The following LRRC4C variants were observed in gnomAD, a reference collection of about 807,000 sequenced individuals.
LRRC4C encodes leucine-rich repeat-containing protein 4C.
In LRRC4C, 5 loss-of-function variants were observed where a neutral mutation model predicts 33.6. The observed-to-expected ratio is 0.15, with a 90% CI of 0.08 to 0.31. The LOEUF is 0.31. LRRC4C is among the 10% of genes least tolerant of loss of function. LRRC4C has a pLI of 1.00. For missense variants in LRRC4C, 560 were observed against 796.7 expected (o/e 0.70, Z 3.58); for synonymous variants, 329 against 302.0 (o/e 1.09, Z -0.93).
chr11:40,717,076 T>C (rs1256990006), intron 2 of LRRC4C, among the ~76,000 whole-genome samples: 1 of 152,182 alleles, frequency 6.6e-6, no homozygotes, highest in Non-Finnish European at 1.5e-5. Context: ...ATTTTGATTA[T>C]AGGCATCACG....
At chr11:40,435,175 T>C (rs1951094844) in intron 3 of LRRC4C, among the ~76,000 whole-genome samples, 1 of 152,196 alleles carries the variant, frequency 6.6e-6, no homozygotes, top group African/African-American at 2.4e-5. Context: ...TTATGCTTTA[T>C]ATTAATGGAC....
intron 1 of LRRC4C, among the ~76,000 whole-genome samples, chr11:41,072,832 C>T (rs1254771243): frequency 6.6e-6 from 1 of 152,166 alleles, no homozygotes; most frequent in Non-Finnish European, 1.5e-5. Flanking sequence ...AAATAACACT[C>T]ATCTTCCCAA....
At chr11:40,251,507 C>T (rs772319104) in intron 4 of LRRC4C, among the ~76,000 whole-genome samples, 1 of 152,114 alleles carries the variant, frequency 6.6e-6, no homozygotes, top group Admixed American at 6.6e-5. Context: ...GACTCTTCCC[C>T]CAGCCTCATG....
intron 3 of LRRC4C, among the ~76,000 whole-genome samples, chr11:40,557,584 T>G (rs1271891280): frequency 6.6e-6 from 1 of 152,142 alleles, no homozygotes; most frequent in Non-Finnish European, 1.5e-5. Flanking sequence ...ACCATCAATC[T>G]CAAACACTTT....
intron 4 of LRRC4C, among the ~76,000 whole-genome samples, chr11:40,311,642 C>G (rs1285121805): frequency 6.6e-6 from 1 of 152,122 alleles, no homozygotes; most frequent in East Asian, 1.9e-4. Flanking sequence ...GCCAAATGCA[C>G]CACACTTAAA....
intron 1 of LRRC4C, among the ~76,000 whole-genome samples, chr11:41,247,447 T>C (rs975185889): frequency 6.6e-6 from 1 of 152,230 alleles, no homozygotes. Flanking sequence ...CTCCAATGCT[T>C]TTTATAGTCC....
chr11:40,902,652 C>T (rs969461053), intron 2 of LRRC4C, among the ~76,000 whole-genome samples: 9 of 152,148 alleles, frequency 5.9e-5, no homozygotes, highest in African/African-American at 7.2e-5. Flanking sequence ...AGTGCTCCTC[C>T]GGTGACCATG....
At chr11:41,005,229 T>C (rs1592314688) in intron 1 of LRRC4C, among the ~76,000 whole-genome samples, 1 of 151,632 alleles carries the variant, frequency 6.6e-6, no homozygotes, top group Admixed American at 6.6e-5. Flanking sequence ...TGGTGGGAGG[T>C]GTTTGAAGCA....
At chr11:41,311,975 G>T (rs1950654310) in intron 1 of LRRC4C, among the ~76,000 whole-genome samples, 1 of 152,150 alleles carries the variant, frequency 6.6e-6, no homozygotes, top group Non-Finnish European at 1.5e-5. Flanking sequence ...ATTTGAATTA[G>T]AAGGCAGGCA....
chr11:40,493,008 G>C (rs559681545), intron 3 of LRRC4C, among the ~76,000 whole-genome samples: 1 of 151,830 alleles, frequency 6.6e-6, no homozygotes, highest in South Asian at 2.1e-4. Flanking sequence ...GTGGAAAACA[G>C]TGGCAAGATA....
At chr11:41,375,785 A>T (rs16935650) in intron 1 of LRRC4C, among the ~76,000 whole-genome samples, 2,565 of 152,230 alleles carry the variant, frequency 0.017, 64 homozygotes, top group African/African-American at 0.059. Flanking sequence ...TTGAAGAATG[A>T]GTTTGAGTTT....
chr11:40,864,783 T>G (rs189032517), intron 2 of LRRC4C, among the ~76,000 whole-genome samples: 1 of 152,316 alleles, frequency 6.6e-6, no homozygotes, highest in Admixed American at 6.5e-5. Context: ...ACTATGGAAT[T>G]TTATAGATTC....
At chr11:40,508,030 T>G (rs1955125219) in intron 3 of LRRC4C, among the ~76,000 whole-genome samples, 1 of 152,192 alleles carries the variant, frequency 6.6e-6, no homozygotes, top group African/African-American at 2.4e-5. Context: ...GTTCTGGGAT[T>G]ACAGGTGTGA....
At chr11:41,405,598 T>C (rs1184948254) in intron 1 of LRRC4C, among the ~76,000 whole-genome samples, 1 of 152,150 alleles carries the variant, frequency 6.6e-6, no homozygotes, top group Non-Finnish European at 1.5e-5. Flanking sequence ...AGTAGTTTAC[T>C]TTCTTCTGAT....
chr11:40,870,048 A>G (rs75913102), intron 2 of LRRC4C, among the ~76,000 whole-genome samples: 41 of 152,192 alleles, frequency 2.7e-4, no homozygotes, highest in African/African-American at 8.2e-4. Flanking sequence ...TGCCAACACT[A>G]TCATGTACCA....
intron 1 of LRRC4C, among the ~76,000 whole-genome samples, chr11:41,353,896 T>G (rs558273743): frequency 1.1e-4 from 17 of 152,280 alleles, no homozygotes; most frequent in African/African-American, 3.9e-4. Context: ...AACAGCCATC[T>G]ATCTCAAACC....
intron 1 of LRRC4C, among the ~76,000 whole-genome samples, chr11:41,169,961 A>G (rs565274083): frequency 3.4e-4 from 52 of 152,288 alleles, no homozygotes; most frequent in South Asian, 4.1e-4. Context: ...CTTAAATATG[A>G]GATGATTCTT....
chr11:40,887,216 A>AT (rs397800406), intron 2 of LRRC4C, among the ~76,000 whole-genome samples: 14 of 151,300 alleles, frequency 9.3e-5, no homozygotes, highest in South Asian at 2.1e-4. Context: ...CATAAAAAAA[A>AT]GATTTTGAAA....
intron 2 of LRRC4C, among the ~76,000 whole-genome samples, chr11:40,916,567 G>A (rs934195713): frequency 6.6e-6 from 1 of 152,060 alleles, no homozygotes; most frequent in African/African-American, 2.4e-5. Context: ...GGAGGTGGGA[G>A]GGATAGCATT....
Sources: gnomAD v4.1 joint callset for allele counts (sites outside exome capture counted in the v4.1 genomes callset) on GRCh38, gnomAD v4.1.1 for gene constraint, MANE v1.5 for transcripts, NCBI Gene and HGNC (gene_info 2026-07-23, HGNC 2026-07-21) for gene names.